MEF2A: variants seen among roughly 807,000 people sequenced by gnomAD.
The protein encoded by MEF2A is myocyte enhancer factor 2A, also known as myocyte-specific enhancer factor 2A.
Under a neutral mutation model 55.8 loss-of-function variants are expected in MEF2A, and 28 were observed. The ratio of observed to expected loss-of-function variants is 0.50; its 90% CI spans 0.37 to 0.69. The LOEUF is 0.69. Among genes scored for constraint, MEF2A ranks in the 30% least tolerant of loss-of-function variants. The pLI, the probability that MEF2A is intolerant of heterozygous loss-of-function variation, is 0.00. For synonymous variants in MEF2A, 239 were observed against 227.1 expected (o/e 1.05, Z -0.47); for missense variants, 528 against 626.2 (o/e 0.84, Z 1.67).
chr15:99,612,371 C>T (rs1414730051), intron 2 of MEF2A, among the ~76,000 whole-genome samples: 1 of 148,678 alleles, frequency 6.7e-6, no homozygotes, highest in African/African-American at 2.5e-5. Context: ...AAGCCGAGAT[C>T]ACACCACTCA....
At chr15:99,611,450 A>T (rs1394902412) in intron 2 of MEF2A, among the ~76,000 whole-genome samples, 1 of 152,230 alleles carries the variant, frequency 6.6e-6, no homozygotes, top group Non-Finnish European at 1.5e-5. Flanking sequence ...TGTTAGGGAA[A>T]TGCAGAATTA....
chr15:99,692,840 C>T (rs1384595339), intron 8 of MEF2A, among the ~76,000 whole-genome samples: 1 of 152,170 alleles, frequency 6.6e-6, no homozygotes, highest in African/African-American at 2.4e-5. Context: ...CAAACATTAT[C>T]ACTCTTAGGG....
chr15:99,659,976 T>C (rs1344217579), intron 4 of MEF2A, among the ~76,000 whole-genome samples: 1 of 152,170 alleles, frequency 6.6e-6, no homozygotes, highest in African/African-American at 2.4e-5. Flanking sequence ...TAGCAAATTT[T>C]TAAGAAGGAA....
chr15:99,591,963 C>A (rs1476614966), intron 1 of MEF2A, among the ~76,000 whole-genome samples: 1 of 152,158 alleles, frequency 6.6e-6, no homozygotes, highest in Non-Finnish European at 1.5e-5. Context: ...GATTTCCCCC[C>A]TGGTGGTGTG....
At chr15:99,592,202 G>A (rs1472949318) in intron 1 of MEF2A, among the ~76,000 whole-genome samples, 3 of 152,060 alleles carry the variant, frequency 2.0e-5, no homozygotes, top group African/African-American at 7.2e-5. Context: ...AGCACGCGGC[G>A]GTGCTGCTGC....
chr15:99,600,808 A>G (rs1972721770), intron 2 of MEF2A, among the ~76,000 whole-genome samples: 1 of 152,108 alleles, frequency 6.6e-6, no homozygotes, highest in African/African-American at 2.4e-5. Flanking sequence ...TTTATAGTAA[A>G]TCTTAAAATC....
rs1458402832 is a variant in MEF2A at position 99,715,411 on chromosome 15, A to G, written c.*2640A>G. Reference sequence around the variant, plus strand: ...CTGTTTTCTAAAATACTACTACTCAAGGCTCGGAGTTTGTATTTAAATTAC... The same window carrying G: ...CTGTTTTCTAAAATACTACTACTCAGGGCTCGGAGTTTGTATTTAAATTAC... On this transcript the variant is annotated 3_prime_UTR_variant, in exon 12 of 12. Transcript: ENST00000557942. 2 of 152,232 alleles carry G rather than the reference A, an allele frequency of 1.3e-5. No individual in the cohort carries two copies. Among genetic ancestry groups the G allele is most frequent in the African/African-American group, 2.4e-5 (1 of 41,454 alleles). 9.4% of individuals were successfully genotyped at this position (152,232 alleles called of 1,614,324 possible). A position where few individuals can be genotyped will look rare whatever the true frequency, so the allele number is the denominator to read the frequency against.
intron 7 of MEF2A, among the ~76,000 whole-genome samples, chr15:99,679,742 C>T (rs2052853042): frequency 6.6e-6 from 1 of 152,044 alleles, no homozygotes; most frequent in African/African-American, 2.4e-5. Flanking sequence ...TTGTTTTGTA[C>T]ATTTTCTGTT....
intron 4 of MEF2A, among the ~76,000 whole-genome samples, chr15:99,649,404 T>A (rs2046479886): frequency 6.6e-6 from 1 of 152,156 alleles, no homozygotes; most frequent in African/African-American, 2.4e-5. Flanking sequence ...GTATATTTCT[T>A]ACAAAACATG....
intron 2 of MEF2A, among the ~76,000 whole-genome samples, chr15:99,600,544 C>A (rs1458993865): frequency 6.6e-6 from 1 of 152,136 alleles, no homozygotes; most frequent in Admixed American, 6.5e-5. Flanking sequence ...TGGACTACTA[C>A]ATTGAGGTCA....
intron 8 of MEF2A, among the ~76,000 whole-genome samples, chr15:99,701,650 G>A (rs1248694253): frequency 6.6e-6 from 1 of 152,240 alleles, no homozygotes; most frequent in African/African-American, 2.4e-5. Flanking sequence ...GGAAAGCTGA[G>A]TGAGATGTGA....
At chr15:99,703,424 T>A (rs754067763) in intron 9 of MEF2A, 39 bp downstream of exon 9, 13 of 1,581,946 alleles carry the variant, frequency 8.2e-6, no homozygotes, top group African/African-American at 1.4e-5. Context: ...TTGAAAAAGA[T>A]GTAGAAAGTA....
At chr15:99,681,977 C>T (rs1480419145) in intron 7 of MEF2A, 1 of 152,216 alleles carries the variant, frequency 6.6e-6, no homozygotes, top group Non-Finnish European at 1.5e-5. Flanking sequence ...GAATAATCAG[C>T]TGAATGTCAA....
At position 99,668,716 on chromosome 15, in the gene MEF2A, A is replaced by T. The variant is rs186085684; in HGVS notation, c.259-2607A>T. 9.2e-5 allele frequency among the ~76,000 whole-genome samples: 14 copies of T among 152,276 alleles called. No homozygotes were observed. The East Asian group carries it at 2.7e-3, about 29-fold the overall frequency. Reference sequence around the variant, plus strand: ...TTGTGGCTAACTTGTGTGTGAGAAAACTGAAGCTGGCCAGGATCGTATGTA... The same window carrying T: ...TTGTGGCTAACTTGTGTGTGAGAAATCTGAAGCTGGCCAGGATCGTATGTA... On this transcript the variant is annotated intron_variant, in intron 4 of 11. Coordinates refer to ENST00000557942, the MANE Select transcript of MEF2A (RefSeq NM_001319206.4).
At chr15:99,698,531 A>T (rs986839010) in intron 8 of MEF2A, among the ~76,000 whole-genome samples, 6 of 152,140 alleles carry the variant, frequency 3.9e-5, no homozygotes, top group Non-Finnish European at 7.4e-5. Flanking sequence ...GGTGGCTCAC[A>T]CCTGTAATCC....
chr15:99,690,371 G>A lies in MEF2A; in HGVS notation c.801G>A (p.Arg267=), dbSNP rs200748600. The change falls in exon 8 of 12, where the codon AGG becomes AGA. Residue 267 remains arginine, a synonymous_variant. Transcript: ENST00000557942. ...GTGGTAATCTTGGAATGAACAGTAG[G>A]AAACCAGATCTTCGAGTTGTCATCC... ...PGGGNLGMNS[R]KPDLRVVIPP... is the part of the protein sequence containing the mutation. 6.2e-7 allele frequency: 1 copy of A among 1,611,638 alleles called. No individual in the cohort carries two copies.
At chr15:99,651,620 C>T (rs562463844) in intron 4 of MEF2A, among the ~76,000 whole-genome samples, 1 of 152,194 alleles carries the variant, frequency 6.6e-6, no homozygotes, top group Non-Finnish European at 1.5e-5. Flanking sequence ...GCACATAGTC[C>T]TCATGGCTCT....
chr15:99,700,332 C>T (rs1008765661), intron 8 of MEF2A, among the ~76,000 whole-genome samples: 8 of 149,402 alleles, frequency 5.4e-5, no homozygotes, highest in African/African-American at 9.9e-5. Context: ...GCCAACATGG[C>T]GAAACCCCGT....
chr15:99,657,222 A>G (rs1167790801), intron 4 of MEF2A, among the ~76,000 whole-genome samples: 1 of 151,848 alleles, frequency 6.6e-6, no homozygotes, highest in Non-Finnish European at 1.5e-5. Context: ...TCTCTTGGGT[A>G]TCTAGTTAGT....
Sources: allele counts gnomAD v4.1 joint callset (sites outside exome capture counted in the v4.1 genomes callset), GRCh38; gene constraint gnomAD v4.1.1; transcripts MANE v1.5; gene names NCBI Gene and HGNC (gene_info 2026-07-23, HGNC 2026-07-21).